Variants in TBC1D1 observed in about 807,000 individuals in gnomAD.
TBC1D1 encodes the protein TBC1 domain family member 1, also known as TBC1 (tre-2/USP6, BUB2, cdc16) domain family, member 1.
A neutral mutation model predicts 125.6 loss-of-function variants in TBC1D1; 89 were observed. That is an observed-to-expected ratio of 0.71 (90% CI 0.60 to 0.85). The LOEUF (loss-of-function observed/expected upper bound fraction) is 0.85. Among genes scored for constraint, TBC1D1 ranks in the 40% least tolerant of loss-of-function variants. The pLI is 0.00. For synonymous variants in TBC1D1, 565 were observed against 564.1 expected, an observed-to-expected ratio of 1.00 and a Z score of -0.02; for missense variants, 1,377 against 1,469.2, an observed-to-expected ratio of 0.94 and a Z score of 1.03.
chr4:38,055,841 C>T (rs867020113), intron 12 of TBC1D1, among the ~76,000 whole-genome samples: 6 of 152,104 alleles, frequency 3.9e-5, no homozygotes, highest in Admixed American at 6.5e-5. Context: ...TGGAGTGGAG[C>T]AGTGGGAACC....
intron 2 of TBC1D1, among the ~76,000 whole-genome samples, chr4:37,922,282 C>T (rs1721167197): frequency 6.6e-6 from 1 of 152,200 alleles, no homozygotes; most frequent in Admixed American, 6.5e-5. Context: ...TCCTATGTGC[C>T]TTGTAATTCA....
At chr4:38,125,969 C>T (rs1306682879) in intron 18 of TBC1D1, among the ~76,000 whole-genome samples, 1 of 152,230 alleles carries the variant, frequency 6.6e-6, no homozygotes, top group African/African-American at 2.4e-5. Flanking sequence ...CTAGAATCTG[C>T]TCCAGATAGT....
rs201447112 is a variant in TBC1D1, at chr4:38,090,063, A to G, written c.2182A>G (p.Ile728Val). The G allele has an allele frequency of 1.8e-4, 289 of 1,614,092 alleles. No homozygotes were observed. Among genetic ancestry groups the G allele is most frequent in the South Asian group, 1.2e-3 (113 of 91,074 alleles). The change falls in exon 13 of 20, where the codon ATT (isoleucine) becomes GTT (valine). Residue 728 changes from isoleucine (I) to valine (V), a missense_variant. Physicochemically the swap from Ile to Val is conservative, Grantham distance 29. This residue lies in a region of TBC1D1 where 543 missense variants were observed against 613.5 expected (regional missense o/e 0.89). Transcript: ENST00000261439. Reference sequence around the variant, plus strand: ...GCTCCGAGAGCTGTGGCAAAAGGCTATTCTTCAACAGATACTGCTGCTTAG... The same window carrying G: ...GCTCCGAGAGCTGTGGCAAAAGGCTGTTCTTCAACAGATACTGCTGCTTAG...
intron 2 of TBC1D1, among the ~76,000 whole-genome samples, chr4:37,928,877 A>T (rs945453290): frequency 4.6e-5 from 7 of 152,330 alleles, no homozygotes; most frequent in African/African-American, 1.7e-4. Context: ...TAGACGAGTA[A>T]TTCTTTTGAA....
chr4:37,919,641 A>G (rs1720502688), intron 2 of TBC1D1, among the ~76,000 whole-genome samples: 1 of 152,218 alleles, frequency 6.6e-6, no homozygotes, highest in Non-Finnish European at 1.5e-5. Flanking sequence ...AATCTGCTGT[A>G]TCATCTGTTT....
At chr4:38,071,110 A>G (rs1754630317) in intron 12 of TBC1D1, among the ~76,000 whole-genome samples, 1 of 152,200 alleles carries the variant, frequency 6.6e-6, no homozygotes, top group Non-Finnish European at 1.5e-5. Context: ...TCAAGCCCCC[A>G]AAGGTACAGA....
At chr4:37,970,252 G>A (rs1173385489) in intron 2 of TBC1D1, among the ~76,000 whole-genome samples, 2 of 152,186 alleles carry the variant, frequency 1.3e-5, no homozygotes, top group African/African-American at 4.8e-5. Context: ...TTTATGCAGA[G>A]GGATTTTTAG....
At chr4:37,912,240 C>A (rs902680657) in intron 2 of TBC1D1, among the ~76,000 whole-genome samples, 7 of 152,206 alleles carry the variant, frequency 4.6e-5, no homozygotes, top group African/African-American at 1.7e-4. Flanking sequence ...TGAAAGGACT[C>A]AGGGTAAATG....
At chr4:37,898,879 G>A (rs1328206753) in intron 1 of TBC1D1, among the ~76,000 whole-genome samples, 2 of 152,094 alleles carry the variant, frequency 1.3e-5, no homozygotes, top group African/African-American at 2.4e-5. Flanking sequence ...CATGAGAAAC[G>A]GGGAACCATA....
At chr4:37,963,035 T>C (rs1420544199) in intron 2 of TBC1D1, among the ~76,000 whole-genome samples, 3 of 152,198 alleles carry the variant, frequency 2.0e-5, no homozygotes, top group Non-Finnish European at 4.4e-5. Context: ...TATGATGGCC[T>C]TGGCATGAGA....
intron 2 of TBC1D1, among the ~76,000 whole-genome samples, chr4:37,982,038 A>G (rs1022699542): frequency 1.3e-5 from 2 of 152,216 alleles, no homozygotes; most frequent in African/African-American, 4.8e-5. Context: ...TGCTATTTAT[A>G]TGTTGAGTAC....
intron 12 of TBC1D1, among the ~76,000 whole-genome samples, chr4:38,072,863 T>C (rs975650934): frequency 1.3e-5 from 2 of 152,206 alleles, no homozygotes; most frequent in Non-Finnish European, 2.9e-5. Flanking sequence ...TAGAGTCATA[T>C]GGTATTTGTC....
intron 7 of TBC1D1, among the ~76,000 whole-genome samples, chr4:38,028,087 A>C (rs534645625): frequency 2.6e-5 from 4 of 152,060 alleles, no homozygotes; most frequent in African/African-American, 4.8e-5. Flanking sequence ...CATAAAAGAC[A>C]CGATAGCTGA....
intron 11 of TBC1D1, 134 bp downstream of exon 12, chr4:38,052,194 T>TGTGTGTGTGTGCGC (rs755025486): frequency 6.0e-4 from 347 of 581,448 alleles, no homozygotes; most frequent in African/African-American, 1.1e-3. Flanking sequence ...TGTGTGTGTG[T>TGTGTGTGTGTGCGC]GCGCGCGCGT....
rs1713147384 is a variant in TBC1D1 at position 37,891,244 on chromosome 4, A to G, written c.-198A>G. The G allele has an allele frequency of 1.3e-5, 2 of 152,714 alleles. No homozygotes were observed. The highest frequency in any genetic ancestry group is 1.3e-4 in the Admixed American group (2 of 15,234). The allele number at this position is 152,714 out of a possible 1,614,324, so 9.5% of individuals were successfully genotyped here. ...CCCCCGCGGCGGGAAGAGCGCAGCC[A>G]GCCGGGTGCGATGGACTCCCCGCCC... On this transcript the variant is annotated 5_prime_UTR_variant, in exon 1 of 20. Coordinates refer to ENST00000261439, the MANE Select transcript of TBC1D1 (RefSeq NM_015173.4).
chr4:38,039,450 C>G (rs947552339), intron 8 of TBC1D1, among the ~76,000 whole-genome samples: 1 of 152,088 alleles, frequency 6.6e-6, no homozygotes, highest in Non-Finnish European at 1.5e-5. Context: ...GCTCCTTCCA[C>G]TTAGCATAAC....
chr4:38,056,637 T>C (rs2152490691), intron 12 of TBC1D1, among the ~76,000 whole-genome samples: 1 of 152,262 alleles, frequency 6.6e-6, no homozygotes, highest in Non-Finnish European at 1.5e-5. Context: ...AGTGAGACCC[T>C]GTCTCTACAA....
rs756470987 is a variant in TBC1D1, at chr4:38,133,194, T to C, written c.3243T>C (p.Asp1081=). ...CTCTCAGTGACAACCAAAGAATGGA[T>C]AAATTAGAGAAAACCAACAGCAGCT... Residue 1081 remains aspartate (D), a synonymous_variant, in exon 19 of 20, where the codon GAT becomes GAC. Transcript: ENST00000261439. The C allele has an allele frequency of 1.2e-6, 2 of 1,614,160 alleles. No individual in the cohort carries two copies. The highest frequency in any genetic ancestry group is 1.1e-5 in the South Asian group (1 of 91,086).
chr4:38,043,756 T>C (rs1235392947), intron 8 of TBC1D1, among the ~76,000 whole-genome samples: 1 of 151,874 alleles, frequency 6.6e-6, no homozygotes, highest in Non-Finnish European at 1.5e-5. Context: ...AAAATAAAAG[T>C]AGGAGAGAGG....
Sources: allele counts gnomAD v4.1 joint callset (sites outside exome capture counted in the v4.1 genomes callset), GRCh38; gene constraint gnomAD v4.1.1; regional missense constraint gnomAD v4.1.1; transcripts MANE v1.5; gene names NCBI Gene and HGNC (gene_info 2026-07-23, HGNC 2026-07-21).